The following GMCL1 variants were observed in gnomAD, a reference collection of about 807,000 sequenced individuals.
The protein encoded by GMCL1 is germ cell-less 1, spermatogenesis associated.
A neutral mutation model predicts 75.5 loss-of-function variants in GMCL1; 54 were observed. That is an observed-to-expected ratio of 0.71 (90% confidence interval 0.57 to 0.90). The LOEUF (loss-of-function observed/expected upper bound fraction) is 0.90, where lower values mean the gene tolerates loss of function less well. GMCL1 is among the 40% of genes least tolerant of loss of function. The pLI is 0.00. For missense variants in GMCL1, 537 were observed against 622.7 expected (o/e 0.86, Z 1.47); for synonymous variants, 210 against 209.6 (o/e 1.00, Z -0.02).
intron 3 of GMCL1, among the ~76,000 whole-genome samples, chr2:69,840,606 C>T (rs961975467): frequency 6.6e-6 from 1 of 152,008 alleles, no homozygotes; most frequent in Admixed American, 6.6e-5. Flanking sequence ...TTTGAGTCTG[C>T]GTATTTGTAC....
chr2:69,869,833 A>T lies in GMCL1; in HGVS notation c.1333A>T (p.Ser445Cys), dbSNP rs1448985213. ...GAATCAGCCATGTAGCGGATCTGTC[A>T]GTTTACAGCCTCGAAGGAGCATAGC... ...TLNQPCSGSVSLQPRRSIAFR... is the reference protein window; with the variant it reads ...TLNQPCSGSVCLQPRRSIAFR... The change falls in exon 12 of 14, where the codon AGT becomes TGT. Residue 445 changes from serine to cysteine, a missense_variant. Around this residue, in one of 3 missense-constraint regions of GMCL1, gnomAD observed 345 missense variants for 410.5 expected, o/e 0.84. Coordinates refer to ENST00000282570, the MANE Select transcript of GMCL1 (RefSeq NM_178439.5). 6.2e-7 allele frequency: 1 copy of T among 1,613,862 alleles called. No homozygotes were observed. The highest frequency in any genetic ancestry group is 2.2e-5 in the East Asian group (1 of 44,878).
At chr2:69,849,813 AAAAT>A (rs1292288090) in intron 8 of GMCL1, 71 bp downstream of exon 8, 9 of 812,848 alleles carry the variant, frequency 1.1e-5, no homozygotes, top group South Asian at 4.1e-5. Context: ...ATGAGAACAG[AAAAT>A]AAATAAATTA....
At chr2:69,872,854 G>C (rs902514747) in intron 13 of GMCL1, among the ~76,000 whole-genome samples, 1 of 152,146 alleles carries the variant, frequency 6.6e-6, no homozygotes, top group Non-Finnish European at 1.5e-5. Flanking sequence ...GAAAAATACT[G>C]TCATGGCTCA....
intron 1 of GMCL1, among the ~76,000 whole-genome samples, chr2:69,831,869 A>G (rs1674683300): frequency 6.6e-6 from 1 of 152,064 alleles, no homozygotes; most frequent in Non-Finnish European, 1.5e-5. Flanking sequence ...TGACCTCCCA[A>G]AGTGTTGGGA....
chr2:69,831,590 G>GT (rs879897499), intron 1 of GMCL1, among the ~76,000 whole-genome samples: 98 of 150,664 alleles, frequency 6.5e-4, no homozygotes, highest in Admixed American at 1.7e-3. Flanking sequence ...GTGTAGCATA[G>GT]TTTTTTTTTC....
At chr2:69,871,086 G>C (rs1675968939) in intron 12 of GMCL1, among the ~76,000 whole-genome samples, 1 of 152,066 alleles carries the variant, frequency 6.6e-6, no homozygotes, top group Non-Finnish European at 1.5e-5. Flanking sequence ...GTTCATAACA[G>C]CATTATTCAC....
At chr2:69,861,094 T>C (rs1190175596) in intron 9 of GMCL1, among the ~76,000 whole-genome samples, 184 bp from the exon 10 acceptor site, 1 of 152,166 alleles carries the variant, frequency 6.6e-6, no homozygotes, top group Admixed American at 6.6e-5. Flanking sequence ...CCACCTGCCT[T>C]GGCCTCCCAA....
At chr2:69,837,782 C>A in intron 2 of GMCL1, 112 bp downstream of exon 2, 1 of 1,245,388 alleles carries the variant, frequency 8.0e-7, no homozygotes, top group Non-Finnish European at 1.1e-6. Context: ...GTGGTTAAAT[C>A]CTCTCATTTG....
rs58504589 is a variant in GMCL1 at position 69,873,946 on chromosome 2, CT to C, written c.1452+2129del. 7.4e-3 allele frequency: 1,050 copies of C among 142,188 alleles called. 3 individuals carry two copies. Among genetic ancestry groups the C allele is most frequent in the South Asian group, 0.018 (78 of 4,264 alleles). 8.8% of individuals were successfully genotyped at this position (142,188 alleles called of 1,614,324 possible). On this transcript the variant is annotated intron_variant, in intron 13 of 13. Transcript: ENST00000282570. ...CAGACAGTGAGGTAGTAATTGTAAC[CT>C]TTTTTTTTTTTTTTCACTTTGTTGT...
At chr2:69,870,180 A>C (rs959753865) in intron 12 of GMCL1, among the ~76,000 whole-genome samples, 3 of 151,584 alleles carry the variant, frequency 2.0e-5, no homozygotes, top group Non-Finnish European at 4.4e-5. Context: ...GTATGTTTCC[A>C]GGAAAACACA....
chr2:69,844,425 T>C, intron 6 of GMCL1: 1 of 311,392 alleles, frequency 3.2e-6, no homozygotes, highest in Non-Finnish European at 5.9e-6. Flanking sequence ...GAAAAATGCA[T>C]TACTGTTATA....
rs189756417 is a variant in GMCL1 at position 69,857,725 on chromosome 2, A to G, written c.1072+2765A>G. On this transcript the variant is annotated intron_variant, in intron 9 of 13. Transcript: ENST00000282570. ...ATTTGTCCATGTAGGAATTTTTACT[A>G]TGTAAATGTTTAGTCACTCATCTTC... Among the ~76,000 whole-genome samples, 348 of 152,316 alleles carry G rather than the reference A, an allele frequency of 2.3e-3. 1 individual carries two copies. Among genetic ancestry groups the G allele is most frequent in the Non-Finnish European group, 3.5e-3 (237 of 68,016 alleles).
intron 12 of GMCL1, among the ~76,000 whole-genome samples, chr2:69,870,560 C>T (rs1399107974): frequency 1.4e-4 from 22 of 152,072 alleles, no homozygotes; most frequent in Admixed American, 1.4e-3. Flanking sequence ...AGTGTCAAGA[C>T]AGTGAAAAGG....
Position 69,875,868 on chromosome 2 carries a change from T to G in GMCL1, c.1453-3041T>G, listed in dbSNP as rs1160852074. Among the ~76,000 whole-genome samples the G allele has an allele frequency of 2.6e-5, 4 of 151,904 alleles. No individual in the cohort carries two copies. The East Asian group carries it at 7.7e-4, about 29-fold the overall frequency. ...TGCCACCACGCCCAGCTTTTTTGTATTTTAGTAGAGACAGGGTTTCACTCT... is the reference window on the plus strand; with the variant it reads ...TGCCACCACGCCCAGCTTTTTTGTAGTTTAGTAGAGACAGGGTTTCACTCT... On this transcript the variant is annotated intron_variant, in intron 13 of 13. Coordinates refer to ENST00000282570, the MANE Select transcript of GMCL1 (RefSeq NM_178439.5).
At chr2:69,847,880 A>G (rs1675200109) in intron 7 of GMCL1, among the ~76,000 whole-genome samples, 3 of 152,286 alleles carry the variant, frequency 2.0e-5, no homozygotes, top group Middle Eastern at 6.8e-3. Context: ...AACAAAAAAT[A>G]TGTTATTGCT....
intron 9 of GMCL1, among the ~76,000 whole-genome samples, chr2:69,858,656 T>C (rs1309042939): frequency 6.6e-6 from 1 of 152,184 alleles, no homozygotes; most frequent in Non-Finnish European, 1.5e-5. Flanking sequence ...CATTGACTTA[T>C]TTTTGGAATG....
At chr2:69,850,241 G>A (rs539299921) in intron 8 of GMCL1, among the ~76,000 whole-genome samples, 23 of 152,170 alleles carry the variant, frequency 1.5e-4, no homozygotes, top group Admixed American at 1.0e-3. Flanking sequence ...CATACCTTCC[G>A]TCAGATTCTT....
intron 4 of GMCL1, among the ~76,000 whole-genome samples, chr2:69,841,425 C>T (rs544969882): frequency 1.3e-5 from 2 of 152,298 alleles, no homozygotes; most frequent in South Asian, 4.1e-4. Context: ...ATTTAAATTT[C>T]TCTTAATTTT....
At chr2:69,845,288 A>G (rs957755683) in intron 6 of GMCL1, among the ~76,000 whole-genome samples, 2 of 152,180 alleles carry the variant, frequency 1.3e-5, no homozygotes, top group African/African-American at 4.8e-5. Context: ...GAGGTCCAAG[A>G]TTTCTCCATC....
Sources: allele counts gnomAD v4.1 joint callset (sites outside exome capture counted in the v4.1 genomes callset), GRCh38; gene constraint gnomAD v4.1.1; regional missense constraint gnomAD v4.1.1; transcripts MANE v1.5; gene names NCBI Gene and HGNC (gene_info 2026-07-23, HGNC 2026-07-21).